SLC67A2: variants seen among roughly 807,000 people sequenced by gnomAD.
The protein encoded by SLC67A2 is solute carrier family 67 member A2.
At chr2:102,736,635 C>T in the SLC67A2 span, 1 of 1,613,946 alleles carries the variant, frequency 6.2e-7, no homozygotes, top group Non-Finnish European at 8.5e-7. Context: ...AGCCCCCACG[C>T]TCGCACTCAC....
the SLC67A2 span, among the ~76,000 whole-genome samples, chr2:102,731,843 C>T: frequency 6.6e-6 from 1 of 152,176 alleles, no homozygotes; most frequent in Non-Finnish European, 1.5e-5. Context: ...TTTTAAGCTG[C>T]ACAGGCAGAG....
the SLC67A2 span, among the ~76,000 whole-genome samples, chr2:102,730,172 G>C: frequency 6.6e-6 from 1 of 152,212 alleles, no homozygotes; most frequent in Admixed American, 6.5e-5. Context: ...TGAGTGGTCA[G>C]AAGTAGGGCA....
the SLC67A2 span, chr2:102,731,094 A>G: frequency 6.2e-7 from 1 of 1,607,542 alleles, no homozygotes; most frequent in Non-Finnish European, 8.5e-7. Flanking sequence ...CAATAACAAT[A>G]AAATCAGCTA....
At chr2:102,715,758 C>T in the SLC67A2 span, 1 of 152,102 alleles carries the variant, frequency 6.6e-6, no homozygotes, top group Non-Finnish European at 1.5e-5. Context: ...ACAAAAATAG[C>T]AACTTCATGT....
the SLC67A2 span, chr2:102,719,293 G>A: frequency 7.5e-7 from 1 of 1,328,116 alleles, no homozygotes. Context: ...AATTATTTGT[G>A]TTAGATTACT....
At chr2:102,733,119 G>A in the SLC67A2 span, among the ~76,000 whole-genome samples, 20 of 152,324 alleles carry the variant, frequency 1.3e-4, no homozygotes, top group African/African-American at 4.6e-4. Context: ...GCTCAAACAT[G>A]TCTTCTCCCT....
the SLC67A2 span, chr2:102,718,864 G>GTC: frequency 6.2e-7 from 1 of 1,614,098 alleles, no homozygotes; most frequent in Non-Finnish European, 8.5e-7. Context: ...GCATGCTGCT[G>GTC]TAACTGATGA....
the SLC67A2 span, among the ~76,000 whole-genome samples, chr2:102,735,393 A>C: frequency 3.4e-3 from 516 of 152,268 alleles, 1 homozygote; most frequent in Non-Finnish European, 5.6e-3. Context: ...CCTTGCATGG[A>C]GGTGGTGGCA....
the SLC67A2 span, among the ~76,000 whole-genome samples, chr2:102,723,145 A>T: frequency 6.6e-6 from 1 of 152,224 alleles, no homozygotes; most frequent in African/African-American, 2.4e-5. Flanking sequence ...ACATATTTTT[A>T]AAAGATAAGT....
At chr2:102,733,106 T>C in the SLC67A2 span, among the ~76,000 whole-genome samples, 1 of 152,238 alleles carries the variant, frequency 6.6e-6, no homozygotes, top group Non-Finnish European at 1.5e-5. Flanking sequence ...TAAAACAATG[T>C]AAGCTCAAAC....
chr2:102,733,680 T>G, the SLC67A2 span, among the ~76,000 whole-genome samples: 1 of 152,064 alleles, frequency 6.6e-6, no homozygotes. Flanking sequence ...AGACTCAAAA[T>G]GTACCAGCCA....
chr2:102,728,060 C>G, the SLC67A2 span, among the ~76,000 whole-genome samples: 1 of 152,004 alleles, frequency 6.6e-6, no homozygotes, highest in African/African-American at 2.4e-5. Context: ...GGATGTTGAG[C>G]AAGACCACAG....
At chr2:102,728,221 C>T in the SLC67A2 span, among the ~76,000 whole-genome samples, 3 of 152,160 alleles carry the variant, frequency 2.0e-5, no homozygotes, top group African/African-American at 7.2e-5. Flanking sequence ...AACAGGGTCC[C>T]CCATGCTGTG....
chr2:102,721,817 G>C, the SLC67A2 span, among the ~76,000 whole-genome samples: 1 of 152,272 alleles, frequency 6.6e-6, no homozygotes, highest in East Asian at 1.9e-4. Context: ...CAATCCTCCT[G>C]CCTCAGCCTC....
At chr2:102,718,811 A>G in the SLC67A2 span, 2 of 1,613,858 alleles carry the variant, frequency 1.2e-6, no homozygotes, top group Non-Finnish European at 1.7e-6. Flanking sequence ...GTGCTTGTAC[A>G]GCCGTAGGAT....
At chr2:102,719,608 C>T in the SLC67A2 span, among the ~76,000 whole-genome samples, 3 of 152,226 alleles carry the variant, frequency 2.0e-5, no homozygotes, top group Admixed American at 6.5e-5. Flanking sequence ...ATCCAACCAT[C>T]TAGACATCCA....
the SLC67A2 span, chr2:102,723,865 C>A: frequency 1.2e-6 from 2 of 1,614,138 alleles, no homozygotes; most frequent in Non-Finnish European, 1.7e-6. Flanking sequence ...GGAACCACAT[C>A]AGAAAGTAGA....
the SLC67A2 span, chr2:102,718,649 T>G: frequency 6.2e-7 from 1 of 1,613,748 alleles, no homozygotes; most frequent in Non-Finnish European, 8.5e-7. Context: ...CACAGTCAGC[T>G]GGAGGTCCGT....
At chr2:102,720,492 C>T in the SLC67A2 span, among the ~76,000 whole-genome samples, 1 of 152,168 alleles carries the variant, frequency 6.6e-6, no homozygotes, top group Non-Finnish European at 1.5e-5. Context: ...TCTGTCCAAC[C>T]TTCCAATATT....
Sources: gnomAD v4.1 joint callset for allele counts (sites outside exome capture counted in the v4.1 genomes callset) on GRCh38, gnomAD v4.1.1 for gene constraint, MANE v1.5 for transcripts, NCBI Gene and HGNC (gene_info 2026-07-23, HGNC 2026-07-21) for gene names.